Variants in PPP2R2C observed in about 807,000 individuals in gnomAD.
PPP2R2C encodes protein phosphatase 2, regulatory subunit B, gamma.
PPP2R2C carries 10 observed loss-of-function variants against 45.3 expected under a neutral mutation model. The observed-to-expected ratio is 0.22, with a 90% confidence interval of 0.14 to 0.37. The LOEUF (loss-of-function observed/expected upper bound fraction) is 0.37, where lower values mean the gene tolerates loss of function less well. PPP2R2C is among the 10% of genes least tolerant of loss of function. The pLI, the probability that PPP2R2C is intolerant of heterozygous loss-of-function variation, is 1.00. For synonymous variants in PPP2R2C, 257 were observed against 245.4 expected (o/e 1.05, Z -0.44); for missense variants, 308 against 619.7 (o/e 0.50, Z 5.34).
At chr4:6,407,458 C>T (rs982758019) in intron 1 of PPP2R2C, among the ~76,000 whole-genome samples, 13 of 152,206 alleles carry the variant, frequency 8.5e-5, no homozygotes, top group Non-Finnish European at 1.5e-4. Context: ...TGCGGTGGCA[C>T]GATCTCAGCT....
At chr4:6,377,137 C>A (rs921920786) in intron 3 of PPP2R2C, among the ~76,000 whole-genome samples, 1 of 152,230 alleles carries the variant, frequency 6.6e-6, no homozygotes, top group Non-Finnish European at 1.5e-5. Context: ...CTGCGCCTAG[C>A]CATGTTCGGG....
At position 6,493,268 on chromosome 4, in the gene PPP2R2C, C is replaced by G. The variant is rs114476010; in HGVS notation, c.49+42003G>C. Among the ~76,000 whole-genome samples the G allele has an allele frequency of 2.3e-3, 354 of 152,050 alleles. No homozygotes were observed. In the Middle Eastern group the frequency reaches 0.024, roughly 10 times the overall value. ...GCACATACACACACCCCTCCTGGTC[C>G]CCCTTTCTGGGCTTTGCTTTAAAAT... is the stretch of plus-strand genomic sequence containing the variant. On this transcript the variant is annotated intron_variant, in intron 2 of 9. Transcript: ENST00000506140.
intron 1 of PPP2R2C, among the ~76,000 whole-genome samples, chr4:6,391,473 T>C (rs1329277674): frequency 6.6e-6 from 1 of 152,222 alleles, no homozygotes; most frequent in Non-Finnish European, 1.5e-5. Context: ...TCCCCTGAGC[T>C]TGGTTTATAA....
At chr4:6,391,360 G>C (rs1191514411) in intron 1 of PPP2R2C, among the ~76,000 whole-genome samples, 2 of 152,124 alleles carry the variant, frequency 1.3e-5, no homozygotes, top group African/African-American at 2.4e-5. Flanking sequence ...AGGCTGGGAC[G>C]AGCCATGGCA....
intron 1 of PPP2R2C, among the ~76,000 whole-genome samples, chr4:6,401,263 A>G (rs1298113095): frequency 2.0e-5 from 3 of 152,154 alleles, no homozygotes; most frequent in Admixed American, 6.5e-5. Context: ...GGTTAATGGT[A>G]AGGAAGCAGT....
chr4:6,362,917 A>G (rs1361184647), intron 5 of PPP2R2C, among the ~76,000 whole-genome samples: 2 of 152,014 alleles, frequency 1.3e-5, no homozygotes, highest in African/African-American at 4.8e-5. Context: ...TAGATTACTG[A>G]AACTTACTGT....
In PPP2R2C at chr4:6,337,130, ATATATATATATATATAT is replaced by A. The variant is rs1733032339; in HGVS notation, c.791-3416_791-3400del. ...TGTGTGTGTATATATATATATATAT[ATATATATATATATATAT>A]ATATATATATATATTTGTAGTTTTT... On this transcript the variant is annotated intron_variant, in intron 6 of 8. Transcript: ENST00000382599. Among the ~76,000 whole-genome samples the A allele has an allele frequency of 1.3e-4, 7 of 53,390 alleles. 1 individual carries two copies. 35.0% of individuals were successfully genotyped at this position (53,390 alleles called of 152,430 possible). A position where few individuals can be genotyped will look rare whatever the true frequency, so the allele number is the denominator to read the frequency against.
chr4:6,540,840 G>A (rs935473185), intron 1 of PPP2R2C, among the ~76,000 whole-genome samples: 1 of 152,246 alleles, frequency 6.6e-6, no homozygotes, highest in African/African-American at 2.4e-5. Flanking sequence ...GTATCAGTTA[G>A]GAGCTGTGTT....
At chr4:6,491,515 G>T (rs745612394) in intron 2 of PPP2R2C, among the ~76,000 whole-genome samples, 30 of 152,212 alleles carry the variant, frequency 2.0e-4, no homozygotes, top group Admixed American at 3.3e-4. Context: ...AAACAGGAGG[G>T]TGGCAAGGCC....
In PPP2R2C at chr4:6,554,979, A is replaced by AGAG. The variant is rs1560620534; in HGVS notation, c.-59+8580_-59+8581insCTC. On this transcript the variant is annotated intron_variant, in intron 1 of 9. Transcript: ENST00000506140. ...AGAAAGAAAGAAAGAGAAAGAAAGA[A>AGAG]AAGAGAAGAGAAGAGAAGAGAAAAG... Among the ~76,000 whole-genome samples the AGAG allele has an allele frequency of 5.6e-3, 697 of 125,378 alleles. 25 individuals carry two copies. In the East Asian group the frequency reaches 0.11, roughly 20 times the overall value. The allele number at this position is 125,378 out of a possible 152,430, so 82.3% of individuals were successfully genotyped here. A position where few individuals can be genotyped will look rare whatever the true frequency, so the allele number is the denominator to read the frequency against.
At chr4:6,557,610 T>C (rs372826177) in intron 1 of PPP2R2C, among the ~76,000 whole-genome samples, 37 of 152,204 alleles carry the variant, frequency 2.4e-4, no homozygotes, top group African/African-American at 8.7e-4. Flanking sequence ...GAGCCCAGGA[T>C]GTACCAAGGT....
chr4:6,415,997 C>CCAG (rs1188872429), intron 1 of PPP2R2C, among the ~76,000 whole-genome samples: 2 of 152,218 alleles, frequency 1.3e-5, no homozygotes, highest in Non-Finnish European at 2.9e-5. Flanking sequence ...GGATCAGTGA[C>CCAG]CAGCACCCCA....
intron 2 of PPP2R2C, among the ~76,000 whole-genome samples, chr4:6,497,119 G>A (rs1334618883): frequency 2.6e-5 from 4 of 152,124 alleles, no homozygotes; most frequent in Non-Finnish European, 5.9e-5. Flanking sequence ...AGGGAAAAGA[G>A]GGAGGAGGCA....
At chr4:6,551,159 T>C (rs988321667) in intron 1 of PPP2R2C, among the ~76,000 whole-genome samples, 5 of 152,176 alleles carry the variant, frequency 3.3e-5, no homozygotes, top group African/African-American at 1.2e-4. Context: ...TCCACATGTG[T>C]AAGCTGGGGA....
chr4:6,558,014 G>C (rs1157310067), intron 1 of PPP2R2C, among the ~76,000 whole-genome samples: 2 of 152,140 alleles, frequency 1.3e-5, no homozygotes, highest in Non-Finnish European at 2.9e-5. Flanking sequence ...GCGGCCAGGT[G>C]CTTCTGAGCA....
intron 5 of PPP2R2C, among the ~76,000 whole-genome samples, chr4:6,361,112 A>C (rs894333725): frequency 2.1e-4 from 32 of 152,164 alleles, no homozygotes; most frequent in African/African-American, 7.5e-4. Context: ...GGGATGGAGG[A>C]GACACAATCT....
chr4:6,460,283 T>A (rs1328411798), intron 1 of PPP2R2C, among the ~76,000 whole-genome samples: 1 of 152,224 alleles, frequency 6.6e-6, no homozygotes, highest in African/African-American at 2.4e-5. Flanking sequence ...TAACTCAATA[T>A]GCCTGGTGTC....
chr4:6,342,004 A>G (rs1358810136), intron 6 of PPP2R2C, among the ~76,000 whole-genome samples: 1 of 151,774 alleles, frequency 6.6e-6, no homozygotes, highest in Non-Finnish European at 1.5e-5. Flanking sequence ...CACACAACAC[A>G]GGCTTGAACC....
rs142738747 is a variant in PPP2R2C at position 6,457,789 on chromosome 4, A to C, written c.70+14371T>G. The stretch of plus-strand genomic sequence containing the variant: ...TTCTTTGTAAAAGACATATGGAGAG[A>C]GTTTGCACAGTGCTCGCTACTGTTA... On this transcript the variant is annotated intron_variant, in intron 1 of 8. Transcript: ENST00000382599. Among the ~76,000 whole-genome samples the C allele has an allele frequency of 1.7e-4, 26 of 152,336 alleles. No individual in the cohort carries two copies. The East Asian group carries it at 5.0e-3, about 29-fold the overall frequency.
Sources: allele counts gnomAD v4.1 joint callset (sites outside exome capture counted in the v4.1 genomes callset), GRCh38; gene constraint gnomAD v4.1.1; transcripts MANE v1.5; gene names NCBI Gene and HGNC (gene_info 2026-07-23, HGNC 2026-07-21).